The following PDXDC1 variants were observed in gnomAD, a reference collection of about 807,000 sequenced individuals.
PDXDC1 encodes the protein pyridoxal dependent decarboxylase domain containing 1.
In PDXDC1, 42 loss-of-function variants were observed where a neutral mutation model predicts 100.1. The ratio of observed to expected loss-of-function variants is 0.42; its 90% CI spans 0.33 to 0.54. The LOEUF is 0.54. Ranked by LOEUF, PDXDC1 falls within the 20% of genes least tolerant of loss-of-function variation. The probability of loss-of-function intolerance (pLI) is 0.10; values close to 1 mark genes in which losing one functional copy is unlikely to be tolerated. For missense variants in PDXDC1, 636 were observed against 979.2 expected, an observed-to-expected ratio of 0.65 and a Z score of 4.68; for synonymous variants, 260 against 371.7, an observed-to-expected ratio of 0.70 and a Z score of 3.46.
intron 16 of PDXDC1, chr16:15,133,061 G>A: frequency 1.5e-6 from 1 of 685,338 alleles, no homozygotes; most frequent in Non-Finnish European, 2.4e-6. Flanking sequence ...CTGGGCGGGG[G>A]CTGCATTGTG....
downstream of PDXDC1, chr16:15,038,738 C>A: frequency 1.0e-6 from 1 of 971,818 alleles, no homozygotes; most frequent in Non-Finnish European, 1.6e-6. Context: ...ACCCACTTTT[C>A]AAACCCTCCC....
At chr16:15,066,546 C>A (rs1007438721) in intron 16 of PDXDC1, among the ~76,000 whole-genome samples, 1 of 151,618 alleles carries the variant, frequency 6.6e-6, no homozygotes, top group Non-Finnish European at 1.5e-5. Context: ...GGCAGGAGAA[C>A]TGCATGAGCC....
At chr16:15,022,373 T>C (rs1193761032) in intron 12 of PDXDC1, among the ~76,000 whole-genome samples, 1 of 152,300 alleles carries the variant, frequency 6.6e-6, no homozygotes, top group African/African-American at 2.4e-5. Context: ...CATCCTCTCA[T>C]TTGTCGTTGG....
intron 3 of PDXDC1, among the ~76,000 whole-genome samples, chr16:14,999,529 C>T (rs552711207): frequency 2.0e-4 from 30 of 152,312 alleles, no homozygotes; most frequent in African/African-American, 5.5e-4. Context: ...AACAACATGG[C>T]GAGACCCTAT....
At chr16:15,122,940 G>T (rs997364328) in intron 16 of PDXDC1, among the ~76,000 whole-genome samples, 2 of 150,110 alleles carry the variant, frequency 1.3e-5, no homozygotes, top group African/African-American at 4.9e-5. Context: ...GAAGAAAGGG[G>T]TCTGGGAAAG....
chr16:15,063,264 G>T (rs1409113088), intron 16 of PDXDC1: 1 of 1,612,828 alleles, frequency 6.2e-7, no homozygotes, highest in South Asian at 1.1e-5. Flanking sequence ...TGATAAATAG[G>T]ATCAATGAAT....
At chr16:15,011,927 G>A (rs1317726297) in intron 8 of PDXDC1, among the ~76,000 whole-genome samples, 2 of 152,278 alleles carry the variant, frequency 1.3e-5, no homozygotes, top group African/African-American at 4.8e-5. Flanking sequence ...GCCTCCCAAA[G>A]TGATGGGATT....
Position 15,036,240 on chromosome 16 carries a change from C to A in PDXDC1, c.2332C>A (p.His778Asn), listed in dbSNP as rs79691584. ...QKGVPHPEDD[H>N]SQVEGPESLR ...AGGGGTCCCACACCCAGAAGATGAC[C>A]ACTCACAGGTAGAAGGACCGGAGAG... Residue 778 changes from histidine (H) to asparagine (N), a missense_variant, in exon 23 of 23, where the codon CAC becomes AAC. Physicochemically the swap from His to Asn is moderately conservative, Grantham distance 68 (BLOSUM62 1). This residue lies in a region of PDXDC1 where 452 missense variants were observed against 402.9 expected (regional missense o/e 1.12). Transcript: ENST00000396410. 158 of 1,614,008 alleles carry A rather than the reference C, an allele frequency of 9.8e-5. 1 individual carries two copies. In the East Asian group the frequency reaches 1.8e-3, roughly 18 times the overall value.
At chr16:15,030,404 G>A (rs1435943929) in intron 16 of PDXDC1, among the ~76,000 whole-genome samples, 2 of 152,016 alleles carry the variant, frequency 1.3e-5, no homozygotes, top group East Asian at 2.0e-4. Flanking sequence ...AAATTAGCCA[G>A]GCATGGTGGT....
At chr16:15,051,251 T>C (rs939196778) in intron 16 of PDXDC1, among the ~76,000 whole-genome samples, 1 of 152,242 alleles carries the variant, frequency 6.6e-6, no homozygotes, top group Non-Finnish European at 1.5e-5. Flanking sequence ...CCAAAAATCA[T>C]GTCTCTCTTC....
chr16:15,030,861 C>G (rs1312742297), intron 16 of PDXDC1, among the ~76,000 whole-genome samples: 3 of 152,104 alleles, frequency 2.0e-5, no homozygotes, highest in African/African-American at 7.2e-5. Context: ...TCACTCCCCA[C>G]TGCACATTAG....
At chr16:15,034,645 G>T in intron 21 of PDXDC1, 92 bp downstream of exon 21, 1 of 923,772 alleles carries the variant, frequency 1.1e-6, no homozygotes, top group Non-Finnish European at 1.8e-6. Flanking sequence ...TGAGAATCCC[G>T]CCCTGGTTCC....
In PDXDC1 at chr16:15,086,060, T is replaced by C. The variant is rs1177381292; in HGVS notation, c.1400-52819T>C. The C allele has an allele frequency of 2.0e-5, 28 of 1,426,048 alleles. No individual in the cohort carries two copies. In the East Asian group the frequency reaches 6.7e-4, roughly 34 times the overall value. The allele number at this position is 1,426,048 out of a possible 1,614,324, so 88.3% of individuals were successfully genotyped here. A position where few individuals can be genotyped will look rare whatever the true frequency, so the allele number is the denominator to read the frequency against. ...TCTTCCATGGTAGCAGTCTCTCATATATAAGGGGAAGGTAGTATTTTAATA... is the reference window on the plus strand; with the variant it reads ...TCTTCCATGGTAGCAGTCTCTCATACATAAGGGGAAGGTAGTATTTTAATA... On this transcript the variant is annotated intron_variant, in intron 16 of 16. Transcript: ENST00000535621.
chr16:15,122,661 T>G (rs749670753), intron 16 of PDXDC1, among the ~76,000 whole-genome samples: 42 of 150,174 alleles, frequency 2.8e-4, no homozygotes, highest in Non-Finnish European at 4.6e-4. Flanking sequence ...TGATGGCTGA[T>G]AAATCCCAGC....
At chr16:15,142,646 C>T (rs1283341258), downstream of PDXDC1, among the ~76,000 whole-genome samples, 1 of 152,160 alleles carries the variant, frequency 6.6e-6, no homozygotes, top group South Asian at 2.1e-4. Flanking sequence ...GTCCTCACCC[C>T]GCTTGCTCCC....
At position 15,037,308 on chromosome 16, in the gene PDXDC1, C is replaced by T. The variant is rs187899980; in HGVS notation, c.*1033C>T. 2.6e-5 allele frequency: 4 copies of T among 152,318 alleles called. No homozygotes were observed. The highest frequency in any genetic ancestry group is 4.8e-5 in the African/African-American group (2 of 41,556). The allele number at this position is 152,318 out of a possible 1,614,324, so 9.4% of individuals were successfully genotyped here. A position where few individuals can be genotyped will look rare whatever the true frequency, so the allele number is the denominator to read the frequency against. On this transcript the variant is annotated 3_prime_UTR_variant, in exon 23 of 23. Coordinates refer to ENST00000396410, the MANE Select transcript of PDXDC1 (RefSeq NM_015027.4). ...GCGTCACTTTGTCGTAAGTAATGGCCCCTGTGCCTTCTTAATCCAGCAGTC... is the reference window on the plus strand; with the variant it reads ...GCGTCACTTTGTCGTAAGTAATGGCTCCTGTGCCTTCTTAATCCAGCAGTC...
intron 16 of PDXDC1, chr16:15,131,540 C>A: frequency 6.2e-7 from 1 of 1,609,656 alleles, no homozygotes; most frequent in South Asian, 1.1e-5. Flanking sequence ...TCCTCGCCCG[C>A]CAGTGTCAGG....
At chr16:15,132,993 G>A (rs1047249459) in intron 16 of PDXDC1, 7 of 1,478,366 alleles carry the variant, frequency 4.7e-6, no homozygotes, top group South Asian at 4.6e-5. Flanking sequence ...TGTGGGCATT[G>A]ACCCGCAACA....
At chr16:15,094,375 C>T (rs2046273832) in intron 16 of PDXDC1, 2 of 734,488 alleles carry the variant, frequency 2.7e-6, no homozygotes, top group Non-Finnish European at 4.5e-6. Context: ...ATGCTCTCGG[C>T]GGGCTAGAGC....
Sources: allele counts gnomAD v4.1 joint callset (sites outside exome capture counted in the v4.1 genomes callset), GRCh38; gene constraint gnomAD v4.1.1; regional missense constraint gnomAD v4.1.1; transcripts MANE v1.5; gene names NCBI Gene and HGNC (gene_info 2026-07-23, HGNC 2026-07-21).